ATG7: variants seen among roughly 807,000 people sequenced by gnomAD.
The protein encoded by ATG7 is ubiquitin-like modifier-activating enzyme ATG7.
Under a neutral mutation model 82.4 loss-of-function variants are expected in ATG7, and 70 were observed. The ratio of observed to expected loss-of-function variants is 0.85; its 90% CI spans 0.70 to 1.04. The LOEUF is 1.04. Among genes scored for constraint, ATG7 ranks in the 50% least tolerant of loss-of-function variants. The pLI is 0.00. For missense variants in ATG7, 792 were observed against 864.3 expected (o/e 0.92, Z 1.05); for synonymous variants, 287 against 313.0 (o/e 0.92, Z 0.88).
At chr3:11,572,026 G>A in the ATG7 span, among the ~76,000 whole-genome samples, 1 of 152,300 alleles carries the variant, frequency 6.6e-6, no homozygotes, top group East Asian at 1.9e-4. Flanking sequence ...AGGATCACCT[G>A]AGCCCAGGAG....
intron 20 of ATG7, among the ~76,000 whole-genome samples, chr3:11,484,829 T>C (rs1185172121): frequency 6.6e-6 from 1 of 152,158 alleles, no homozygotes; most frequent in East Asian, 1.9e-4. Context: ...TTACTGAGAA[T>C]GATGATTTCC....
intron 13 of ATG7, among the ~76,000 whole-genome samples, chr3:11,343,879 A>G (rs1954062564): frequency 6.6e-6 from 1 of 152,156 alleles, no homozygotes; most frequent in African/African-American, 2.4e-5. Flanking sequence ...TTGAAATTAC[A>G]ATGAATTTAT....
intron 15 of ATG7, among the ~76,000 whole-genome samples, chr3:11,360,271 C>T (rs2076205446): frequency 6.6e-6 from 1 of 152,200 alleles, no homozygotes. Context: ...GTCTCGAACT[C>T]CTGACCTCAG....
chr3:11,501,495 A>G (rs2091313958), intron 20 of ATG7, among the ~76,000 whole-genome samples: 1 of 152,064 alleles, frequency 6.6e-6, no homozygotes, highest in Non-Finnish European at 1.5e-5. Context: ...TTTTTGAAAC[A>G]GTTGAGGAAA....
At chr3:11,446,450 C>A in intron 20 of ATG7, 3 of 409,960 alleles carry the variant, frequency 7.3e-6, no homozygotes, top group Admixed American at 3.1e-5. Context: ...TAATTTAGTC[C>A]GTAGGGGAAA....
the ATG7 span, among the ~76,000 whole-genome samples, chr3:11,563,446 AG>A: frequency 6.6e-6 from 1 of 152,180 alleles, no homozygotes; most frequent in African/African-American, 2.4e-5. Context: ...CCTCTGTTCC[AG>A]CCCCTGCTGC....
At chr3:11,307,672 G>T (rs569072287) in intron 6 of ATG7, among the ~76,000 whole-genome samples, 1 of 152,246 alleles carries the variant, frequency 6.6e-6, no homozygotes, top group Non-Finnish European at 1.5e-5. Context: ...TATCCTCTCT[G>T]CCTGGAATGT....
chr3:11,511,259 C>T (rs1291070270), intron 20 of ATG7, among the ~76,000 whole-genome samples: 3 of 152,056 alleles, frequency 2.0e-5, no homozygotes, highest in Admixed American at 6.5e-5. Flanking sequence ...TTGGTAGAGC[C>T]GAGTGGCCTG....
At chr3:11,565,736 G>A in the ATG7 span, among the ~76,000 whole-genome samples, 2 of 152,292 alleles carry the variant, frequency 1.3e-5, no homozygotes, top group East Asian at 1.9e-4. This position sits in a 1 kb window ranked among gnomAD's most constrained non-coding sequence, Gnocchi z 4.1. Flanking sequence ...GCACCCAGGC[G>A]ATGCCACGTG....
chr3:11,322,065 C>T (rs548539723), intron 9 of ATG7, among the ~76,000 whole-genome samples: 1 of 152,176 alleles, frequency 6.6e-6, no homozygotes. Flanking sequence ...TAAATGAAAG[C>T]TCAAAAGCAA....
In ATG7 at chr3:11,555,269, C is replaced by T. The variant is rs544767408; in HGVS notation, c.*426C>T. The T allele has an allele frequency of 1.7e-4, 29 of 171,296 alleles. No homozygotes were observed. The highest frequency in any genetic ancestry group is 8.8e-4 in the Admixed American group (14 of 15,854). The allele number at this position is 171,296 out of a possible 1,614,324, so 10.6% of individuals were successfully genotyped here. A position where few individuals can be genotyped will look rare whatever the true frequency, so the allele number is the denominator to read the frequency against. ...CCCCGGAATGTGCTGCCCACCGCACCGCAGGCTCCTCCTGTGGGGGCCCTG... is the reference window on the plus strand; with the variant it reads ...CCCCGGAATGTGCTGCCCACCGCACTGCAGGCTCCTCCTGTGGGGGCCCTG... On this transcript the variant is annotated 3_prime_UTR_variant, in exon 21 of 21. Coordinates refer to ENST00000693202, the MANE Select transcript of ATG7 (RefSeq NM_001349232.2).
chr3:11,527,672 A>C (rs1303224833), intron 20 of ATG7, among the ~76,000 whole-genome samples: 1 of 152,218 alleles, frequency 6.6e-6, no homozygotes, highest in Non-Finnish European at 1.5e-5. Context: ...AAACATATCA[A>C]AGTTTGAGAA....
chr3:11,489,558 A>C (rs2090137854), intron 20 of ATG7, among the ~76,000 whole-genome samples: 1 of 141,228 alleles, frequency 7.1e-6, no homozygotes. Flanking sequence ...AGTTCTTTTA[A>C]TTGTGATGTT....
chr3:11,313,418 C>A lies in ATG7; in HGVS notation c.526C>A (p.Gln176Lys). ...TTTGGATCAAAGGTTTTCACTAAAA[C>A]AGGTATCAACAAATAACCAAAATGC... ...VGLDQRFSLK[Q>K]IEALECAYDN... Residue 176 changes from glutamine (Q) to lysine (K), a missense_variant and splice_region_variant, in exon 8 of 21, where the codon CAG becomes AAG. Coordinates refer to ENST00000693202, the MANE Select transcript of ATG7 (RefSeq NM_001349232.2). 1.3e-6 allele frequency: 2 copies of A among 1,595,448 alleles called. No individual in the cohort carries two copies. The highest frequency in any genetic ancestry group is 1.1e-5 in the South Asian group (1 of 88,892).
rs187361504 is a variant in ATG7, at chr3:11,358,699, C to T, written c.1479+87C>T. On this transcript the variant is annotated intron_variant, in intron 15 of 20. Transcript: ENST00000693202. ...GTCCCTAACCTTCCCTTCCCCAGGGCAGAGATGTGGTTTGTGTGACCTGGT... is the reference window on the plus strand; with the variant it reads ...GTCCCTAACCTTCCCTTCCCCAGGGTAGAGATGTGGTTTGTGTGACCTGGT... 1.7e-5 allele frequency: 24 copies of T among 1,414,914 alleles called. 2 individuals are homozygous for T. In the African/African-American group the frequency reaches 2.4e-4, roughly 14 times the overall value. The allele number at this position is 1,414,914 out of a possible 1,614,324, so 87.6% of individuals were successfully genotyped here.
At chr3:11,389,500 T>C (rs73138950) in intron 19 of ATG7, among the ~76,000 whole-genome samples, 12,001 of 148,696 alleles carry the variant, frequency 0.081, 1,515 homozygotes, top group African/African-American at 0.26. Flanking sequence ...GAATATCTAA[T>C]GACTGGTTAA....
intron 18 of ATG7, among the ~76,000 whole-genome samples, chr3:11,375,039 TAAAA>T (rs1201010073): frequency 2.4e-4 from 1 of 4,112 alleles, no homozygotes. Context: ...TCATCTCTCT[TAAAA>T]AAAAAAAAAA....
intron 19 of ATG7, among the ~76,000 whole-genome samples, chr3:11,395,683 G>A (rs2079155008): frequency 6.6e-6 from 1 of 152,196 alleles, no homozygotes; most frequent in East Asian, 1.9e-4. Flanking sequence ...GCTCACGCCT[G>A]TAATCCCAGC....
At chr3:11,553,793 A>G (rs771863050) in intron 20 of ATG7, among the ~76,000 whole-genome samples, 18 of 152,032 alleles carry the variant, frequency 1.2e-4, no homozygotes, top group Non-Finnish European at 2.4e-4. Context: ...ATTTCCTTCT[A>G]TTTATTTTCG....
Sources: gnomAD v4.1 joint callset for allele counts (sites outside exome capture counted in the v4.1 genomes callset) on GRCh38, gnomAD v4.1.1 for gene constraint, Gnocchi (gnomAD v3.1) non-coding constraint, MANE v1.5 for transcripts, NCBI Gene and HGNC (gene_info 2026-07-23, HGNC 2026-07-21) for gene names.